LTBP1: variants seen among roughly 807,000 people sequenced by gnomAD.
LTBP1 encodes the protein latent-transforming growth factor beta-binding protein 1.
A neutral mutation model predicts 207.6 loss-of-function variants in LTBP1; 129 were observed. The ratio of observed to expected loss-of-function variants is 0.62; its 90% CI spans 0.54 to 0.72. The LOEUF (loss-of-function observed/expected upper bound fraction) is 0.72. Ranked by LOEUF, LTBP1 falls within the 30% of genes least tolerant of loss-of-function variation. The pLI, the probability that LTBP1 is intolerant of heterozygous loss-of-function variation, is 0.00. For synonymous variants in LTBP1, 963 were observed against 833.7 expected, an observed-to-expected ratio of 1.16 and a Z score of -2.67; for missense variants, 2,281 against 2,217.2, an observed-to-expected ratio of 1.03 and a Z score of -0.58.
At chr2:33,013,963 CTGG>C (rs1438090669) in intron 2 of LTBP1, among the ~76,000 whole-genome samples, 1 of 152,098 alleles carries the variant, frequency 6.6e-6, no homozygotes, top group Non-Finnish European at 1.5e-5. Flanking sequence ...GCTCAACTAT[CTGG>C]TTGGTGAAGT....
chr2:33,197,581 T>G (rs890999564), intron 7 of LTBP1, among the ~76,000 whole-genome samples: 1 of 152,222 alleles, frequency 6.6e-6, no homozygotes, highest in Non-Finnish European at 1.5e-5. Flanking sequence ...AAGGGTGTCC[T>G]TTGTTTTTAA....
intron 32 of LTBP1, among the ~76,000 whole-genome samples, chr2:33,396,079 C>CT (rs2095355548): frequency 6.6e-6 from 1 of 151,790 alleles, no homozygotes. Context: ...CACAAAAACT[C>CT]TAAAGTCTAG....
rs542587608 is a variant in LTBP1 at position 33,270,440 on chromosome 2, A to G, written c.2618-3216A>G. 2.9e-4 allele frequency among the ~76,000 whole-genome samples: 44 copies of G among 151,954 alleles called. 1 individual carries two copies. The highest frequency in any genetic ancestry group is 1.0e-3 in the African/African-American group (43 of 41,466). ...CCGTCTCTACTAAAAATACAAAAAA[A>G]TTAGCCGGGCGTGGTGGCGGGTGCC... On this transcript the variant is annotated intron_variant, in intron 15 of 33. Transcript: ENST00000404816.
intron 2 of LTBP1, among the ~76,000 whole-genome samples, chr2:32,953,930 T>C (rs987425751): frequency 2.0e-5 from 3 of 152,192 alleles, no homozygotes; most frequent in Admixed American, 6.5e-5. Flanking sequence ...TCACCACCCT[T>C]TTAATACGGA....
chr2:33,009,797 G>A (rs1687414457), intron 2 of LTBP1, among the ~76,000 whole-genome samples: 1 of 152,166 alleles, frequency 6.6e-6, no homozygotes, highest in African/African-American at 2.4e-5. Flanking sequence ...GGAAGGAGCA[G>A]GTCTTAGAGT....
At chr2:33,207,464 A>ATT (rs1290525106) in intron 7 of LTBP1, among the ~76,000 whole-genome samples, 1 of 152,198 alleles carries the variant, frequency 6.6e-6, no homozygotes, top group Non-Finnish European at 1.5e-5. Context: ...AATGCCTAAC[A>ATT]TTGTTTTAAT....
chr2:33,297,359 A>G (rs2093897455), intron 20 of LTBP1, among the ~76,000 whole-genome samples: 1 of 152,106 alleles, frequency 6.6e-6, no homozygotes, highest in Admixed American at 6.5e-5. Flanking sequence ...GAGAAAGCTC[A>G]CACAGCTTCT....
At chr2:33,029,458 C>T (rs767387961) in intron 3 of LTBP1, among the ~76,000 whole-genome samples, 2 of 151,798 alleles carry the variant, frequency 1.3e-5, no homozygotes, top group Non-Finnish European at 2.9e-5. Flanking sequence ...GCATGGGCAA[C>T]AGAGTGAGAC....
Position 33,124,146 on chromosome 2 carries a change from C to T in LTBP1, c.1034-10647C>T, listed in dbSNP as rs575198919. 9.2e-5 allele frequency among the ~76,000 whole-genome samples: 14 copies of T among 152,318 alleles called. No homozygotes were observed. In the East Asian group the frequency reaches 2.3e-3, roughly 25 times the overall value. Reference sequence around the variant, plus strand: ...AAATGCGGCCAGGTACGGTGGCTCACGCCTGTAATCCAGGCACTTTAGGAG... The same window carrying T: ...AAATGCGGCCAGGTACGGTGGCTCATGCCTGTAATCCAGGCACTTTAGGAG... On this transcript the variant is annotated intron_variant, in intron 4 of 33. Coordinates refer to ENST00000404816, the MANE Select transcript of LTBP1 (RefSeq NM_206943.4).
intron 3 of LTBP1, among the ~76,000 whole-genome samples, chr2:33,034,279 T>A (rs938719821): frequency 8.0e-5 from 12 of 150,814 alleles, no homozygotes; most frequent in African/African-American, 2.9e-4. Context: ...TTCTTTAGAA[T>A]AAGTGCAAAT....
rs6744971 is a variant in LTBP1 at position 33,154,853 on chromosome 2, A to G, written c.1201+19893A>G. On this transcript the variant is annotated intron_variant, in intron 5 of 33. Transcript: ENST00000404816. ...CGAGGTGGGAGGATAGCTTGACGTC[A>G]AGAGTTCGAAACTAGCCTGACCAAC... Among the ~76,000 whole-genome samples, 810 of 152,250 alleles carry G rather than the reference A, an allele frequency of 5.3e-3. 4 individuals are homozygous for G. Among genetic ancestry groups the G allele is most frequent in the Middle Eastern group, 0.031 (9 of 294 alleles).
chr2:33,350,951 A>G (rs1380624413), intron 26 of LTBP1, among the ~76,000 whole-genome samples: 6 of 152,184 alleles, frequency 3.9e-5, no homozygotes, highest in Non-Finnish European at 7.3e-5. Flanking sequence ...TATTCTTAAA[A>G]CAGAAGGTAT....
chr2:33,089,926 C>T (rs1221911434), intron 3 of LTBP1, among the ~76,000 whole-genome samples: 1 of 152,202 alleles, frequency 6.6e-6, no homozygotes, highest in Non-Finnish European at 1.5e-5. Flanking sequence ...ACAACAGCCA[C>T]ACAAGAATGG....
At chr2:33,387,691 C>A in intron 31 of LTBP1, among the ~76,000 whole-genome samples, 1 of 151,688 alleles carries the variant, frequency 6.6e-6, no homozygotes, top group Non-Finnish European at 1.5e-5. Context: ...TAAGTAGGAG[C>A]TGATAAAAGA....
Position 32,947,528 on chromosome 2 carries a change from T to TGCG in LTBP1, c.206_207insGGC (p.Ala69dup). ...CCAGGTACAGCCGCAGCTCGGCGGC[T>TGCG]GCCGGCGCCCCCAGCCGTGCCTCCC... On this transcript the variant is annotated inframe_insertion, in exon 1 of 34. Coordinates refer to ENST00000404816, the MANE Select transcript of LTBP1 (RefSeq NM_206943.4). 7.1e-7 allele frequency: 1 copy of TGCG among 1,399,072 alleles called. No homozygotes were observed. Among genetic ancestry groups the TGCG allele is most frequent in the Non-Finnish European group, 9.3e-7 (1 of 1,078,228 alleles). 86.7% of individuals were successfully genotyped at this position (1,399,072 alleles called of 1,614,324 possible). A position where few individuals can be genotyped will look rare whatever the true frequency, so the allele number is the denominator to read the frequency against.
chr2:33,288,076 A>G (rs927765393), intron 19 of LTBP1, among the ~76,000 whole-genome samples: 3 of 152,210 alleles, frequency 2.0e-5, no homozygotes, highest in Admixed American at 2.0e-4. Context: ...CCCTATCTCA[A>G]GTGGTACTCA....
In LTBP1 at chr2:33,000,157, G is replaced by C. The variant is rs79536687; in HGVS notation, c.566-20752G>C. Among the ~76,000 whole-genome samples, 151 of 135,392 alleles carry C rather than the reference G, an allele frequency of 1.1e-3. 21 individuals are homozygous for C. Among genetic ancestry groups the C allele is most frequent in the African/African-American group, 3.6e-3 (140 of 38,886 alleles). The allele number at this position is 135,392 out of a possible 152,430, so 88.8% of individuals were successfully genotyped here. A position where few individuals can be genotyped will look rare whatever the true frequency, so the allele number is the denominator to read the frequency against. The stretch of plus-strand genomic sequence containing the variant: ...AAGGCTGTGATCTGGCTGATTCTCA[G>C]AATTACTTGGAGAAACTAAAAAGTA... On this transcript the variant is annotated intron_variant, in intron 2 of 33. Coordinates refer to ENST00000404816, the MANE Select transcript of LTBP1 (RefSeq NM_206943.4).
intron 15 of LTBP1, among the ~76,000 whole-genome samples, chr2:33,267,250 C>G (rs2093206820): frequency 6.6e-6 from 1 of 152,258 alleles, no homozygotes; most frequent in Non-Finnish European, 1.5e-5. Context: ...CCTCACTGCT[C>G]CACACCTGGC....
Position 33,398,611 on chromosome 2 carries a change from T to A in LTBP1, c.*66T>A. 7.0e-7 allele frequency: 1 copy of A among 1,435,996 alleles called. No individual in the cohort carries two copies. The highest frequency in any genetic ancestry group is 9.4e-7 in the Non-Finnish European group (1 of 1,062,852). 89.0% of individuals were successfully genotyped at this position (1,435,996 alleles called of 1,614,324 possible). On this transcript the variant is annotated 3_prime_UTR_variant, in exon 34 of 34. Coordinates refer to ENST00000404816, the MANE Select transcript of LTBP1 (RefSeq NM_206943.4). The stretch of plus-strand genomic sequence containing the variant: ...TGTAAAGGAAAAGGGAGAAATGTAT[T>A]ATACTTGAGACATTGCACCTACCCC...
Sources: allele counts gnomAD v4.1 joint callset (sites outside exome capture counted in the v4.1 genomes callset), GRCh38; gene constraint gnomAD v4.1.1; transcripts MANE v1.5; gene names NCBI Gene and HGNC (gene_info 2026-07-23, HGNC 2026-07-21).